Variants in BCAT1 observed in about 807,000 individuals in gnomAD.
BCAT1 encodes the protein branched chain amino acid transaminase 1, also known as branched-chain-amino-acid aminotransferase, cytosolic.
In BCAT1, 48 loss-of-function variants were observed where a neutral mutation model predicts 52.4. That is an observed-to-expected ratio of 0.92 (90% CI 0.73 to 1.16). The LOEUF is 1.16. BCAT1 is among the 50% of genes most tolerant of loss of function. The pLI is 0.00. For synonymous variants in BCAT1, 167 were observed against 161.3 expected (o/e 1.04, Z -0.27); for missense variants, 451 against 457.1 (o/e 0.99, Z 0.12).
At chr12:24,825,482 A>C (rs1356029802) in intron 10 of BCAT1, among the ~76,000 whole-genome samples, 1 of 144,970 alleles carries the variant, frequency 6.9e-6, no homozygotes, top group African/African-American at 2.6e-5. Context: ...TTTTTTTTTA[A>C]TACAAGCCAT....
chr12:24,933,261 G>C (rs960994495), intron 1 of BCAT1, among the ~76,000 whole-genome samples: 3 of 151,848 alleles, frequency 2.0e-5, no homozygotes, highest in Non-Finnish European at 4.4e-5. Flanking sequence ...GCACCACTGT[G>C]CCTGGCAACA....
intron 5 of BCAT1, among the ~76,000 whole-genome samples, chr12:24,878,230 A>G (rs1422211308): frequency 6.6e-6 from 1 of 152,068 alleles, no homozygotes; most frequent in Non-Finnish European, 1.5e-5. Context: ...TTCTTAATAA[A>G]CGTCTTAGTA....
chr12:24,824,268 TTCCCTCCCTCCC>T (rs1001701460), intron 10 of BCAT1, among the ~76,000 whole-genome samples: 8 of 144,522 alleles, frequency 5.5e-5, no homozygotes, highest in Admixed American at 1.4e-4. Flanking sequence ...CCTTCCTTCA[TTCCCTCCCTCCC>T]TCCCTCCCTC....
intron 10 of BCAT1, among the ~76,000 whole-genome samples, chr12:24,827,469 C>T (rs1041233740): frequency 6.6e-6 from 1 of 152,086 alleles, no homozygotes; most frequent in Non-Finnish European, 1.5e-5. Flanking sequence ...TGCTGGAGAG[C>T]AGAAGTATGG....
chr12:24,874,046 G>A (rs771971424), intron 5 of BCAT1, among the ~76,000 whole-genome samples: 2 of 152,210 alleles, frequency 1.3e-5, no homozygotes, highest in Non-Finnish European at 2.9e-5. Context: ...CGGGCATGGT[G>A]GCTCATGCCT....
chr12:24,899,289 T>A (rs537064198), intron 2 of BCAT1, among the ~76,000 whole-genome samples: 3 of 152,228 alleles, frequency 2.0e-5, no homozygotes, highest in African/African-American at 7.2e-5. Flanking sequence ...CCATATGAAA[T>A]GTTATAAATG....
chr12:24,837,050 AAAG>A lies in BCAT1; in HGVS notation c.818-457_818-455del, dbSNP rs1458133071. 3.0e-5 allele frequency among the ~76,000 whole-genome samples: 4 copies of A among 134,620 alleles called. 1 individual carries two copies. In the East Asian group the frequency reaches 8.4e-4, roughly 28 times the overall value. 88.3% of individuals were successfully genotyped at this position (134,620 alleles called of 152,430 possible). A position where few individuals can be genotyped will look rare whatever the true frequency, so the allele number is the denominator to read the frequency against. ...AAAGAAAGAAAGAAAAAAGAAAAGA[AAAG>A]AAAGAGAGAAGGAAAGAAAGAGAGA... On this transcript the variant is annotated intron_variant, in intron 7 of 10. Transcript: ENST00000261192.
At chr12:24,918,353 C>T (rs917973320) in intron 1 of BCAT1, among the ~76,000 whole-genome samples, 1 of 152,182 alleles carries the variant, frequency 6.6e-6, no homozygotes, top group African/African-American at 2.4e-5. Context: ...GCTCCCTAGG[C>T]TCATAGAGGA....
chr12:24,829,084 G>A (rs1328779662), intron 10 of BCAT1, among the ~76,000 whole-genome samples: 1 of 151,220 alleles, frequency 6.6e-6, no homozygotes, highest in African/African-American at 2.4e-5. Context: ...AATATTGAAG[G>A]TTAAGACATC....
At chr12:24,876,972 A>T (rs1942366585) in intron 5 of BCAT1, among the ~76,000 whole-genome samples, 4 of 152,170 alleles carry the variant, frequency 2.6e-5, no homozygotes, top group Admixed American at 2.0e-4. Flanking sequence ...AAAAAAATTC[A>T]ATTATCTTAA....
At chr12:24,841,046 AC>A (rs1941157878) in intron 7 of BCAT1, among the ~76,000 whole-genome samples, 1 of 152,142 alleles carries the variant, frequency 6.6e-6, no homozygotes, top group African/African-American at 2.4e-5. Flanking sequence ...ACTTCACTGA[AC>A]CCCTATGGTC....
intron 3 of BCAT1, among the ~76,000 whole-genome samples, chr12:24,892,265 T>G (rs1030683451): frequency 2.0e-5 from 3 of 151,772 alleles, no homozygotes; most frequent in African/African-American, 2.4e-5. Flanking sequence ...GAACCCCATC[T>G]CCCCGAAACT....
intron 8 of BCAT1, chr12:24,834,828 A>G: frequency 1.8e-6 from 2 of 1,104,472 alleles, no homozygotes; most frequent in South Asian, 2.0e-5. Context: ...AAAGAAAAGA[A>G]AACTCTTTTG....
chr12:24,876,806 G>T (rs942303843), intron 5 of BCAT1, among the ~76,000 whole-genome samples: 1 of 152,166 alleles, frequency 6.6e-6, no homozygotes, highest in African/African-American at 2.4e-5. Context: ...CTGTCGGAAG[G>T]GGCGGGAGGA....
intron 1 of BCAT1, among the ~76,000 whole-genome samples, chr12:24,938,374 C>T (rs11047717): frequency 0.25 from 38,448 of 151,866 alleles, 4,982 homozygotes; most frequent in East Asian, 0.34. Context: ...AAGTGTAGTG[C>T]GGTAATATTG....
chr12:24,902,903 G>T, intron 1 of BCAT1: 1 of 1,514,784 alleles, frequency 6.6e-7, no homozygotes, highest in East Asian at 2.7e-5. Flanking sequence ...CGAGACCCGG[G>T]TTCCAATCCT....
rs774269366 is a variant in BCAT1, at chr12:24,894,393, G to A, written c.161C>T (p.Thr54Met). 2.6e-5 allele frequency: 42 copies of A among 1,613,168 alleles called. No homozygotes were observed. Among genetic ancestry groups the A allele is most frequent in the Admixed American group, 1.7e-4 (10 of 59,894 alleles). The change falls in exon 3 of 11, where the codon ACG (threonine) becomes ATG (methionine). Residue 54 changes from threonine to methionine, a missense_variant. By Grantham distance (81) the Thr-to-Met change is moderately conservative. Coordinates refer to ENST00000261192, the MANE Select transcript of BCAT1 (RefSeq NM_005504.7). ...CCACTCCACCGTCAGCATATGATCC[G>A]TGAACACAGTTCCAAAAACCAGATT... ...PNNLVFGTVF[T>M]DHMLTVEWSS...
At chr12:24,912,111 GA>G (rs1300857814) in intron 1 of BCAT1, among the ~76,000 whole-genome samples, 2 of 152,158 alleles carry the variant, frequency 1.3e-5, no homozygotes, top group Non-Finnish European at 2.9e-5. Context: ...AATCAAGACG[GA>G]AAGGATTTAA....
rs549215858 is a variant in BCAT1 at position 24,816,201 on chromosome 12, A to T, written c.*1807T>A. 1.7e-4 allele frequency: 46 copies of T among 275,628 alleles called. No individual in the cohort carries two copies. Among genetic ancestry groups the T allele is most frequent in the Non-Finnish European group, 2.3e-4 (34 of 149,532 alleles). 17.1% of individuals were successfully genotyped at this position (275,628 alleles called of 1,614,324 possible). A position where few individuals can be genotyped will look rare whatever the true frequency, so the allele number is the denominator to read the frequency against. On this transcript the variant is annotated 3_prime_UTR_variant, in exon 11 of 11. Transcript: ENST00000261192. ...AGACCCTATGGCTAAAAGTTTTGGA[A>T]AAGAATCAAAGCCCATTTTCTATGT...
Sources: allele counts gnomAD v4.1 joint callset (sites outside exome capture counted in the v4.1 genomes callset), GRCh38; gene constraint gnomAD v4.1.1; transcripts MANE v1.5; gene names NCBI Gene and HGNC (gene_info 2026-07-23, HGNC 2026-07-21).